Variants in NEMP2 observed in about 807,000 individuals in gnomAD.
NEMP2 encodes the protein UPF0571 transmembrane protein.
NEMP2 carries 53 observed loss-of-function variants against 54.2 expected under a neutral mutation model. That is an observed-to-expected ratio of 0.98 (90% CI 0.78 to 1.23). The LOEUF (loss-of-function observed/expected upper bound fraction) is 1.23. Ranked by LOEUF, NEMP2 falls within the 50% of genes most tolerant of loss-of-function variation. The pLI is 0.00. For missense variants in NEMP2, 455 were observed against 511.3 expected (o/e 0.89, Z 1.06); for synonymous variants, 197 against 190.3 (o/e 1.04, Z -0.29).
the NEMP2 span, among the ~76,000 whole-genome samples, chr2:190,647,378 C>T: frequency 6.6e-6 from 1 of 152,254 alleles, no homozygotes; most frequent in Non-Finnish European, 1.5e-5. Flanking sequence ...CATCATCATC[C>T]TATCCCTTGC....
At chr2:190,570,359 A>C in the NEMP2 span, among the ~76,000 whole-genome samples, 1 of 152,360 alleles carries the variant, frequency 6.6e-6, no homozygotes, top group South Asian at 2.1e-4. The surrounding 1 kb of genome is among the most constrained non-coding windows in gnomAD (Gnocchi z 5.4). Flanking sequence ...AAGTAACTTA[A>C]TAGAGACCCC....
chr2:190,538,751 A>G (rs1165526448), upstream of NEMP2, among the ~76,000 whole-genome samples: 4 of 151,854 alleles, frequency 2.6e-5, no homozygotes, highest in African/African-American at 7.3e-5. The surrounding 1 kb of genome is among the most constrained non-coding windows in gnomAD (Gnocchi z 4.1). Flanking sequence ...AGCTATTTGT[A>G]TGTCTTCTTT....
the NEMP2 span, among the ~76,000 whole-genome samples, chr2:190,426,202 A>G: frequency 6.6e-6 from 1 of 152,156 alleles, no homozygotes; most frequent in African/African-American, 2.4e-5. The surrounding 1 kb of genome is among the most constrained non-coding windows in gnomAD (Gnocchi z 4.7). Flanking sequence ...TTAGATCTTT[A>G]GTTACAGTCC....
the NEMP2 span, chr2:190,436,127 C>T: frequency 1.2e-6 from 2 of 1,614,194 alleles, no homozygotes; most frequent in South Asian, 2.2e-5. This position sits in a 1 kb window ranked among gnomAD's most constrained non-coding sequence, Gnocchi z 5.3. Context: ...TCCAGGGAAC[C>T]AGAACCACCT....
At chr2:190,464,196 C>T in the NEMP2 span, among the ~76,000 whole-genome samples, 2 of 152,208 alleles carry the variant, frequency 1.3e-5, no homozygotes, top group Non-Finnish European at 2.9e-5. Flanking sequence ...AAGTGTCAGT[C>T]TAACGGCAAA....
chr2:190,431,617 A>G, the NEMP2 span, among the ~76,000 whole-genome samples: 208 of 152,300 alleles, frequency 1.4e-3, no homozygotes, highest in African/African-American at 4.7e-3. This position sits in a 1 kb window ranked among gnomAD's most constrained non-coding sequence, Gnocchi z 4.4. Context: ...AGGCAGGGGA[A>G]TCAGGCAGGG....
the NEMP2 span, among the ~76,000 whole-genome samples, chr2:190,490,422 G>C: frequency 6.6e-6 from 1 of 152,186 alleles, no homozygotes; most frequent in South Asian, 2.1e-4. This position sits in a 1 kb window ranked among gnomAD's most constrained non-coding sequence, Gnocchi z 4.5. Context: ...AATTAGCCGG[G>C]CACGGTGGTG....
the NEMP2 span, among the ~76,000 whole-genome samples, chr2:190,482,867 T>A: frequency 9.2e-6 from 1 of 108,440 alleles, no homozygotes; most frequent in Admixed American, 1.1e-4. Context: ...AAGACTATCA[T>A]CTTTTTTTTT....
rs1690988804 is a variant in NEMP2, at chr2:190,527,682, A to T, written c.98-2304T>A. Among the ~76,000 whole-genome samples, 1 of 152,130 alleles carries T rather than the reference A, an allele frequency of 6.6e-6. No individual in the cohort carries two copies. The highest frequency in any genetic ancestry group is 6.5e-5 in the Admixed American group (1 of 15,274). The stretch of plus-strand genomic sequence containing the variant: ...AACCCTGGGGCCAAGGACCAATACC[A>T]GTCCATGGTCTGTTAGGAACAGGGC... On this transcript the variant is annotated intron_variant, in intron 1 of 8. Coordinates refer to ENST00000409150, the MANE Select transcript of NEMP2 (RefSeq NM_001142645.2). This position sits in a 1 kb window ranked among gnomAD's most constrained non-coding sequence, Gnocchi z 4.0.
chr2:190,485,614 A>G, the NEMP2 span, among the ~76,000 whole-genome samples: 2 of 152,186 alleles, frequency 1.3e-5, no homozygotes, highest in Non-Finnish European at 2.9e-5. The surrounding 1 kb of genome is among the most constrained non-coding windows in gnomAD (Gnocchi z 5.1). Flanking sequence ...AATACTTACA[A>G]TTATTCCCAT....
chr2:190,422,331 A>G, the NEMP2 span, among the ~76,000 whole-genome samples: 6 of 152,110 alleles, frequency 3.9e-5, no homozygotes, highest in Non-Finnish European at 1.5e-5. Context: ...TGGGATCTCC[A>G]GTTCTGTCAT....
In NEMP2 at chr2:190,510,427, C is replaced by T. The variant is rs764817284; in HGVS notation, c.1064G>A (p.Arg355His). 16 of 1,551,754 alleles carry T rather than the reference C, an allele frequency of 1.0e-5. No individual in the cohort carries two copies. The highest frequency in any genetic ancestry group is 8.3e-5 in the South Asian group (7 of 84,064). ...AAAGTCGGGTTTTCGGCAGGCCCGG[C>T]GTAGCTCCTCCAGAGCACTGTTCGT... ...AETNSALEEL[R>H]RACRKPDFPS... The change falls in exon 8 of 9, where the codon CGC becomes CAC. Residue 355 changes from arginine (R) to histidine (H), a missense_variant. By Grantham distance (29) the Arg-to-His change is conservative (BLOSUM62 0). Around this residue, in one of 3 missense-constraint regions of NEMP2, gnomAD observed 294 missense variants for 333.6 expected, o/e 0.88. Coordinates refer to ENST00000409150, the MANE Select transcript of NEMP2 (RefSeq NM_001142645.2). The surrounding 1 kb of genome is among the most constrained non-coding windows in gnomAD (Gnocchi z 5.7).
At chr2:190,601,485 A>G in the NEMP2 span, among the ~76,000 whole-genome samples, 1 of 152,230 alleles carries the variant, frequency 6.6e-6, no homozygotes, top group Non-Finnish European at 1.5e-5. This position sits in a 1 kb window ranked among gnomAD's most constrained non-coding sequence, Gnocchi z 5.8. Context: ...AGCTCCTGGA[A>G]GGGTGCTGGT....
the NEMP2 span, among the ~76,000 whole-genome samples, chr2:190,552,434 A>G: frequency 6.6e-6 from 1 of 152,188 alleles, no homozygotes; most frequent in East Asian, 1.9e-4. Context: ...GAATAGATTA[A>G]AAATATTCTC....
At chr2:190,438,758 A>G in the NEMP2 span, among the ~76,000 whole-genome samples, 1 of 152,254 alleles carries the variant, frequency 6.6e-6, no homozygotes, top group East Asian at 1.9e-4. The surrounding 1 kb of genome is among the most constrained non-coding windows in gnomAD (Gnocchi z 5.2). Flanking sequence ...TATTTCTATA[A>G]GAAATTAAAG....
the NEMP2 span, among the ~76,000 whole-genome samples, chr2:190,619,800 A>G: frequency 6.6e-6 from 1 of 152,182 alleles, no homozygotes. This position sits in a 1 kb window ranked among gnomAD's most constrained non-coding sequence, Gnocchi z 5.5. Context: ...GCAAAGTGCC[A>G]AAAGTTGAGA....
the NEMP2 span, among the ~76,000 whole-genome samples, chr2:190,592,857 T>TA: frequency 6.6e-6 from 1 of 152,346 alleles, no homozygotes; most frequent in East Asian, 1.9e-4. This position sits in a 1 kb window ranked among gnomAD's most constrained non-coding sequence, Gnocchi z 4.4. Flanking sequence ...AGTGAAGACA[T>TA]ACTTCTGTAT....
chr2:190,478,973 T>C, the NEMP2 span, among the ~76,000 whole-genome samples: 1 of 152,196 alleles, frequency 6.6e-6, no homozygotes, highest in Non-Finnish European at 1.5e-5. Context: ...CCTCATTCTA[T>C]AGCCCCCGCT....
chr2:190,471,916 AAT>A, the NEMP2 span, among the ~76,000 whole-genome samples: 1 of 152,192 alleles, frequency 6.6e-6, no homozygotes, highest in Non-Finnish European at 1.5e-5. The surrounding 1 kb of genome is among the most constrained non-coding windows in gnomAD (Gnocchi z 4.7). Flanking sequence ...ATCAGGCAGC[AAT>A]ATTTGCTGTT....
Sources: gnomAD v4.1 joint callset for allele counts (sites outside exome capture counted in the v4.1 genomes callset) on GRCh38, gnomAD v4.1.1 for gene constraint, gnomAD v4.1.1 regional missense constraint, Gnocchi (gnomAD v3.1) non-coding constraint, MANE v1.5 for transcripts, NCBI Gene and HGNC (gene_info 2026-07-23, HGNC 2026-07-21) for gene names.